NELL1: variants seen among roughly 807,000 people sequenced by gnomAD.
NELL1 encodes the protein protein kinase C-binding protein NELL1.
Under a neutral mutation model 107.4 loss-of-function variants are expected in NELL1, and 76 were observed. The ratio of observed to expected loss-of-function variants is 0.71; its 90% CI spans 0.59 to 0.86. The LOEUF is 0.86. NELL1 is among the 40% of genes least tolerant of loss of function. The probability of loss-of-function intolerance (pLI) is 0.00; values close to 1 mark genes in which losing one functional copy is unlikely to be tolerated. For synonymous variants in NELL1, 353 were observed against 341.2 expected (o/e 1.03, Z -0.38); for missense variants, 1,024 against 1,005.5 (o/e 1.02, Z -0.25).
chr11:21,217,253 T>G (rs372936664), intron 13 of NELL1, among the ~76,000 whole-genome samples: 47 of 152,296 alleles, frequency 3.1e-4, no homozygotes, highest in South Asian at 2.3e-3. Context: ...ACTACTTTAC[T>G]TTATCAATTA....
At chr11:21,290,079 A>C (rs2133958281) in intron 14 of NELL1, among the ~76,000 whole-genome samples, 1 of 152,226 alleles carries the variant, frequency 6.6e-6, no homozygotes. Context: ...AGCAGATTTA[A>C]ATATTCCGGG....
intron 13 of NELL1, among the ~76,000 whole-genome samples, chr11:21,215,544 C>G (rs1857594946): frequency 6.6e-6 from 1 of 152,138 alleles, no homozygotes; most frequent in African/African-American, 2.4e-5. Flanking sequence ...AAGTTTGGAA[C>G]TTCCTAGAGA....
intron 2 of NELL1, among the ~76,000 whole-genome samples, chr11:20,735,800 A>C (rs889598628): frequency 2.6e-5 from 4 of 152,156 alleles, no homozygotes; most frequent in Admixed American, 1.3e-4. Context: ...CTGAATGCTG[A>C]CTTTGGGTTT....
intron 3 of NELL1, among the ~76,000 whole-genome samples, chr11:20,801,500 C>A (rs1038877577): frequency 2.0e-5 from 3 of 152,148 alleles, no homozygotes; most frequent in Non-Finnish European, 4.4e-5. Context: ...GGGTAGTTTG[C>A]AAATATTTTC....
intron 2 of NELL1, among the ~76,000 whole-genome samples, chr11:20,770,295 T>G (rs1052700095): frequency 6.6e-6 from 1 of 152,186 alleles, no homozygotes; most frequent in Non-Finnish European, 1.5e-5. Context: ...AGGGGGGACA[T>G]TAATGTTTAA....
At chr11:20,738,438 A>C (rs1434443084) in intron 2 of NELL1, among the ~76,000 whole-genome samples, 1 of 152,126 alleles carries the variant, frequency 6.6e-6, no homozygotes, top group East Asian at 1.9e-4. Context: ...TGATGGTTTT[A>C]AGCAGGAGCA....
At chr11:21,354,855 A>G (rs1336059019) in intron 14 of NELL1, among the ~76,000 whole-genome samples, 1 of 151,606 alleles carries the variant, frequency 6.6e-6, no homozygotes, top group Non-Finnish European at 1.5e-5. Flanking sequence ...TATCTCTTTA[A>G]AAGTCTCTAG....
chr11:20,937,242 A>G (rs1029005497), intron 9 of NELL1, among the ~76,000 whole-genome samples: 1 of 152,150 alleles, frequency 6.6e-6, no homozygotes, highest in Non-Finnish European at 1.5e-5. Flanking sequence ...TTCCAAAGGC[A>G]TTCTCTCTAG....
rs1183291232 is a variant in NELL1, at chr11:20,885,429, T to C, written c.507-15T>C. The C allele has an allele frequency of 1.3e-6, 2 of 1,541,292 alleles. No individual in the cohort carries two copies. ...TGAGCCTCTCTATTAGTAACTGTGT[T>C]CTTTGCCTTTACAGGATTTATGAGC... On this transcript the variant is annotated splice_polypyrimidine_tract_variant and intron_variant, in intron 4 of 19. Transcript: ENST00000357134.
At chr11:21,507,385 G>A (rs748300601) in intron 15 of NELL1, among the ~76,000 whole-genome samples, 10 of 152,132 alleles carry the variant, frequency 6.6e-5, no homozygotes, top group Non-Finnish European at 1.3e-4. Flanking sequence ...ACCAACTCAG[G>A]TCTCAACAGG....
chr11:20,967,160 G>A (rs892340174), intron 12 of NELL1, among the ~76,000 whole-genome samples: 2 of 151,924 alleles, frequency 1.3e-5, no homozygotes, highest in African/African-American at 4.8e-5. Context: ...GCATTGATTA[G>A]GTTTTCAGGC....
intron 14 of NELL1, among the ~76,000 whole-genome samples, chr11:21,351,623 T>A (rs1022334282): frequency 9.9e-5 from 15 of 152,104 alleles, no homozygotes; most frequent in Non-Finnish European, 4.4e-5. Flanking sequence ...AAAGATCTGA[T>A]CTCTACTATG....
intron 13 of NELL1, among the ~76,000 whole-genome samples, chr11:21,135,534 C>T (rs1345029274): frequency 6.6e-6 from 1 of 152,282 alleles, no homozygotes; most frequent in East Asian, 1.9e-4. Flanking sequence ...CTTAGTTCTA[C>T]AACTCATGTG....
intron 11 of NELL1, among the ~76,000 whole-genome samples, chr11:20,956,761 T>C (rs1301089202): frequency 1.3e-5 from 2 of 152,242 alleles, no homozygotes; most frequent in Non-Finnish European, 2.9e-5. Flanking sequence ...TTCGATCTCC[T>C]GACTTCTAGA....
chr11:20,697,108 A>G (rs1854639176), intron 2 of NELL1, among the ~76,000 whole-genome samples: 1 of 152,306 alleles, frequency 6.6e-6, no homozygotes, highest in Admixed American at 6.5e-5. Context: ...AAATTTAGCA[A>G]CAAATTAGCG....
At chr11:21,334,723 G>C (rs572014021) in intron 14 of NELL1, among the ~76,000 whole-genome samples, 2 of 152,038 alleles carry the variant, frequency 1.3e-5, no homozygotes, top group South Asian at 2.1e-4. Context: ...CATTTTATTA[G>C]TTTTCATACA....
chr11:20,872,935 TA>T (rs1329942560), intron 4 of NELL1, among the ~76,000 whole-genome samples: 1 of 152,100 alleles, frequency 6.6e-6, no homozygotes, highest in Non-Finnish European at 1.5e-5. Context: ...TCTTACATAT[TA>T]ATATAACAAG....
intron 14 of NELL1, among the ~76,000 whole-genome samples, chr11:21,305,411 ACT>A (rs1849584573): frequency 6.6e-6 from 1 of 152,018 alleles, no homozygotes; most frequent in South Asian, 2.1e-4. Flanking sequence ...TTCTAAGGGT[ACT>A]TAGAGTATCG....
intron 2 of NELL1, among the ~76,000 whole-genome samples, chr11:20,717,745 T>C (rs1361087375): frequency 6.6e-6 from 1 of 152,192 alleles, no homozygotes; most frequent in Non-Finnish European, 1.5e-5. Context: ...CAGAGTTCTT[T>C]TCATAAATTG....
Sources: allele counts gnomAD v4.1 joint callset (sites outside exome capture counted in the v4.1 genomes callset), GRCh38; gene constraint gnomAD v4.1.1; transcripts MANE v1.5; gene names NCBI Gene and HGNC (gene_info 2026-07-23, HGNC 2026-07-21).